The following DCDC1 variants were observed in gnomAD, a reference collection of about 807,000 sequenced individuals.
The protein encoded by DCDC1 is doublecortin domain-containing protein 1.
In DCDC1, 200 loss-of-function variants were observed where a neutral mutation model predicts 178.3. That is an observed-to-expected ratio of 1.12 (90% confidence interval 1.00 to 1.26). The LOEUF (loss-of-function observed/expected upper bound fraction) is 1.26, where lower values mean the gene tolerates loss of function less well. Among genes scored for constraint, DCDC1 ranks in the 50% most tolerant of loss-of-function variants. The pLI is 0.00. For missense variants in DCDC1, 1,983 were observed against 1,749.2 expected (o/e 1.13, Z -2.38); for synonymous variants, 690 against 604.8 (o/e 1.14, Z -2.07).
intron 17 of DCDC1, among the ~76,000 whole-genome samples, chr11:31,087,822 A>G (rs987102164): frequency 6.6e-6 from 1 of 152,170 alleles, no homozygotes; most frequent in Non-Finnish European, 1.5e-5. Flanking sequence ...TTTTCTATAA[A>G]TATCAATTAG....
chr11:31,351,199 A>C (rs1951055633), intron 1 of DCDC1, among the ~76,000 whole-genome samples: 1 of 152,084 alleles, frequency 6.6e-6, no homozygotes, highest in Admixed American at 6.6e-5. Context: ...AGCCAGGCTG[A>C]AGTTTACATT....
At chr11:30,909,316 A>T (rs1239682714) in intron 28 of DCDC1, among the ~76,000 whole-genome samples, 200 bp from the exon 29 acceptor site, 2 of 152,168 alleles carry the variant, frequency 1.3e-5, no homozygotes, top group Non-Finnish European at 2.9e-5. Flanking sequence ...GATTTACAAA[A>T]ATAGAATCAT....
chr11:31,313,963 TG>T (rs1313565994), intron 3 of DCDC1, among the ~76,000 whole-genome samples: 2 of 152,214 alleles, frequency 1.3e-5, no homozygotes, highest in Non-Finnish European at 2.9e-5. Context: ...GAAGTGTATA[TG>T]TCTCTACTGC....
intron 20 of DCDC1, among the ~76,000 whole-genome samples, chr11:31,054,800 T>C (rs1257880899): frequency 3.9e-5 from 6 of 152,222 alleles, no homozygotes; most frequent in Admixed American, 3.9e-4. Context: ...AGAATGAAAC[T>C]GGATCCTTAT....
At chr11:31,098,653 C>G (rs1203674638) in intron 15 of DCDC1, among the ~76,000 whole-genome samples, 1 of 152,190 alleles carries the variant, frequency 6.6e-6, no homozygotes, top group African/African-American at 2.4e-5. Context: ...CCCCAATGAG[C>G]AGCAAGATTC....
chr11:30,976,498 T>TA (rs1950109643), intron 20 of DCDC1, among the ~76,000 whole-genome samples: 1 of 148,776 alleles, frequency 6.7e-6, no homozygotes, highest in Admixed American at 6.7e-5. Flanking sequence ...AAAAGACAAA[T>TA]AATTCCATGA....
rs1429325262 is a variant in DCDC1, at chr11:31,006,236, A to ATCCTTTT, written c.2592-53669_2592-53668insAAAAGGA. 3.7e-3 allele frequency among the ~76,000 whole-genome samples: 558 copies of ATCCTTTT among 152,178 alleles called. 7 individuals are homozygous for ATCCTTTT. The highest frequency in any genetic ancestry group is 0.013 in the African/African-American group (544 of 41,498). On this transcript the variant is annotated intron_variant, in intron 20 of 38. Coordinates refer to ENST00000684477, the MANE Select transcript of DCDC1 (RefSeq NM_001387274.1). ...TGTAATTAGCTTGATGACACCACAC[A>ATCCTTTT]ATAGTTGGGTCCTTTTACAGTCCTG...
At chr11:31,084,527 T>A (rs56402103) in intron 17 of DCDC1, among the ~76,000 whole-genome samples, 1 of 151,828 alleles carries the variant, frequency 6.6e-6, no homozygotes, top group Admixed American at 6.6e-5. Flanking sequence ...CAGTGAGAAC[T>A]TCCAGTTTTC....
chr11:30,878,853 T>C, intron 37 of DCDC1, 142 bp from the exon 38 acceptor site: 1 of 676,140 alleles, frequency 1.5e-6, no homozygotes, highest in Non-Finnish European at 2.3e-6. Flanking sequence ...AACTTTGACT[T>C]CTTATCACAT....
intron 11 of DCDC1, among the ~76,000 whole-genome samples, chr11:31,110,841 A>G (rs932700401): frequency 6.6e-6 from 1 of 152,212 alleles, no homozygotes; most frequent in African/African-American, 2.4e-5. Flanking sequence ...CTTTTGGCAC[A>G]CTAAAAGGAA....
At chr11:31,092,364 C>A (rs1049762761) in intron 16 of DCDC1, among the ~76,000 whole-genome samples, 1 of 152,162 alleles carries the variant, frequency 6.6e-6, no homozygotes, top group Non-Finnish European at 1.5e-5. Context: ...CTTGTTTGAT[C>A]ATGCTTGTCT....
intron 3 of DCDC1, among the ~76,000 whole-genome samples, chr11:31,310,906 G>C (rs576857110): frequency 5.9e-5 from 9 of 152,108 alleles, no homozygotes; most frequent in African/African-American, 2.2e-4. Flanking sequence ...ACAAAAATTG[G>C]AAGGCCATTC....
At chr11:31,342,304 A>C (rs567748425) in intron 1 of DCDC1, among the ~76,000 whole-genome samples, 2 of 152,224 alleles carry the variant, frequency 1.3e-5, no homozygotes, top group Non-Finnish European at 2.9e-5. Context: ...GACATAAGAG[A>C]ATGATCACGT....
intron 1 of DCDC1, among the ~76,000 whole-genome samples, chr11:31,360,237 G>C (rs1951638008): frequency 6.6e-6 from 1 of 152,094 alleles, no homozygotes; most frequent in African/African-American, 2.4e-5. Flanking sequence ...AGACAGCCCA[G>C]GTTCCTATTA....
chr11:30,915,486 G>GC lies in DCDC1; in HGVS notation c.3653+24_3653+25insG, dbSNP rs767355652. The GC allele has an allele frequency of 1.7e-5, 28 of 1,613,268 alleles. No homozygotes were observed. The East Asian group carries it at 6.0e-4, about 35-fold the overall frequency. On this transcript the variant is annotated intron_variant, in intron 27 of 38. Coordinates refer to ENST00000684477, the MANE Select transcript of DCDC1 (RefSeq NM_001387274.1). ...AGGATCCTATTCACCTTTTGATATA[G>GC]TAAACCCAAATATAATGGGATTACC...
At chr11:31,368,296 C>T (rs189605811) in intron 1 of DCDC1, among the ~76,000 whole-genome samples, 3 of 152,264 alleles carry the variant, frequency 2.0e-5, no homozygotes, top group Admixed American at 6.5e-5. Context: ...AAATAAAATG[C>T]TTTTGCTGTA....
intron 38 of DCDC1, among the ~76,000 whole-genome samples, chr11:30,873,199 G>A (rs1941759734): frequency 6.6e-6 from 1 of 150,968 alleles, no homozygotes; most frequent in Non-Finnish European, 1.5e-5. Context: ...GGGTGGGGTA[G>A]TAGAAGATAG....
chr11:31,182,894 G>A (rs1355120527), intron 9 of DCDC1, among the ~76,000 whole-genome samples: 1 of 151,558 alleles, frequency 6.6e-6, no homozygotes, highest in Non-Finnish European at 1.5e-5. Context: ...CAAAATAAAG[G>A]GATGGAGGAA....
At chr11:31,202,578 C>T (rs1448727805) in intron 9 of DCDC1, among the ~76,000 whole-genome samples, 1 of 152,046 alleles carries the variant, frequency 6.6e-6, no homozygotes, top group East Asian at 1.9e-4. Context: ...CTCAAACAAA[C>T]AAACAATAAA....
Sources: gnomAD v4.1 joint callset for allele counts (sites outside exome capture counted in the v4.1 genomes callset) on GRCh38, gnomAD v4.1.1 for gene constraint, MANE v1.5 for transcripts, NCBI Gene and HGNC (gene_info 2026-07-23, HGNC 2026-07-21) for gene names.